EFR3A: variants seen among roughly 807,000 people sequenced by gnomAD.
The protein encoded by EFR3A is protein EFR3 homolog A.
In EFR3A, 76 loss-of-function variants were observed where a neutral mutation model predicts 104.4. That is an observed-to-expected ratio of 0.73 (90% CI 0.60 to 0.88). EFR3A has a LOEUF of 0.88. Ranked by LOEUF, EFR3A falls within the 40% of genes least tolerant of loss-of-function variation. The probability of loss-of-function intolerance (pLI) is 0.00; values close to 1 mark genes in which losing one functional copy is unlikely to be tolerated. For missense variants in EFR3A, 985 were observed against 1,012.5 expected (o/e 0.97, Z 0.37); for synonymous variants, 330 against 330.0 (o/e 1.00, Z 0.00).
intron 7 of EFR3A, among the ~76,000 whole-genome samples, chr8:131,957,871 G>A (rs1389142467): frequency 6.6e-6 from 1 of 152,162 alleles, no homozygotes; most frequent in Non-Finnish European, 1.5e-5. Flanking sequence ...TGGCTGGAGT[G>A]TTGAATATAG....
chr8:131,904,713 G>A (rs965950006), intron 1 of EFR3A, among the ~76,000 whole-genome samples: 2 of 152,324 alleles, frequency 1.3e-5, no homozygotes, highest in East Asian at 3.9e-4. Flanking sequence ...GCCGGACGTC[G>A]CTAGTGGACG....
rs543238725 is a variant in EFR3A at position 131,961,211 on chromosome 8, G to A, written c.855+1548G>A. Among the ~76,000 whole-genome samples the A allele has an allele frequency of 1.8e-3, 280 of 152,294 alleles. 2 individuals carry two copies. The highest frequency in any genetic ancestry group is 6.5e-3 in the African/African-American group (272 of 41,556). ...CAGCAATGGAACAAAGCTGGATGGA[G>A]AATGACTTTGACAAGTTGAGAGAAG... On this transcript the variant is annotated intron_variant, in intron 8 of 22. Coordinates refer to ENST00000254624, the MANE Select transcript of EFR3A (RefSeq NM_015137.6).
At chr8:131,925,020 T>G (rs1181484940) in intron 1 of EFR3A, among the ~76,000 whole-genome samples, 1 of 152,082 alleles carries the variant, frequency 6.6e-6, no homozygotes, top group Non-Finnish European at 1.5e-5. Context: ...TGCATTTGAG[T>G]TGGAATGTCA....
chr8:131,954,518 C>G (rs746852743), intron 6 of EFR3A, among the ~76,000 whole-genome samples: 4 of 151,774 alleles, frequency 2.6e-5, no homozygotes, highest in Admixed American at 6.6e-5. Context: ...CTACAACATT[C>G]ACTTGCAGTT....
At chr8:131,951,684 A>C (rs1818710989) in intron 5 of EFR3A, among the ~76,000 whole-genome samples, 1 of 152,140 alleles carries the variant, frequency 6.6e-6, no homozygotes, top group Non-Finnish European at 1.5e-5. Flanking sequence ...TTCCAAAAAG[A>C]AACTTTGACA....
intron 7 of EFR3A, 89 bp from the exon 8 acceptor site, chr8:131,959,496 C>T (rs1819195643): frequency 2.1e-6 from 2 of 968,814 alleles, no homozygotes; most frequent in African/African-American, 3.3e-5. Flanking sequence ...GTAATATTCT[C>T]ACTATTAAGC....
intron 15 of EFR3A, among the ~76,000 whole-genome samples, chr8:131,984,669 A>G (rs1275774313): frequency 6.6e-6 from 1 of 152,166 alleles, no homozygotes; most frequent in Non-Finnish European, 1.5e-5. Context: ...CAATGGCCAT[A>G]TATGCATGTC....
chr8:131,936,191 G>A (rs1202595607), intron 1 of EFR3A, among the ~76,000 whole-genome samples: 1 of 152,082 alleles, frequency 6.6e-6, no homozygotes, highest in African/African-American at 2.4e-5. Flanking sequence ...ACTGTTTAGG[G>A]ACTAAGAGGC....
intron 1 of EFR3A, among the ~76,000 whole-genome samples, chr8:131,929,577 A>G (rs1042498797): frequency 3.3e-5 from 5 of 152,044 alleles, no homozygotes; most frequent in African/African-American, 1.2e-4. Context: ...TCTGTATGTG[A>G]TTATCTTTTC....
intron 10 of EFR3A, among the ~76,000 whole-genome samples, chr8:131,972,935 A>G (rs961674934): frequency 1.3e-5 from 2 of 151,432 alleles, no homozygotes; most frequent in African/African-American, 4.9e-5. Context: ...GACACCACCT[A>G]TTTATTTATT....
chr8:132,010,806 T>C lies in EFR3A; in HGVS notation c.2377T>C (p.Ser793Pro), dbSNP rs199679044. The C allele has an allele frequency of 6.2e-7, 1 of 1,612,326 alleles. No individual in the cohort carries two copies. Among genetic ancestry groups the C allele is most frequent in the East Asian group, 2.2e-5 (1 of 44,834 alleles). ...ELTIRPPPSP[S>P]GTLTITSGHA... ...CTTTTATAGTCCTCCTCCCAGTCCA[T>C]CAGGAACACTGACCATTACTTCTGG... is the stretch of plus-strand genomic sequence containing the variant. The change falls in exon 23 of 23, where the codon TCA (serine) becomes CCA (proline). Residue 793 changes from serine to proline, a missense_variant. Physicochemically the swap from Ser to Pro is moderately conservative, Grantham distance 74. Transcript: ENST00000254624.
intron 1 of EFR3A, chr8:131,924,217 C>A (rs1258610918): frequency 3.2e-6 from 1 of 315,504 alleles, no homozygotes; most frequent in Admixed American, 3.5e-5. Flanking sequence ...CCCCATTCAG[C>A]ATTTTTATAT....
chr8:132,002,537 G>A (rs1218278605), intron 20 of EFR3A, 66 bp from the exon 21 acceptor site: 6 of 1,310,532 alleles, frequency 4.6e-6, no homozygotes, highest in South Asian at 4.0e-5. Context: ...AACTCTTAAC[G>A]GTCATTGACT....
chr8:131,936,040 T>C (rs1817863978), intron 1 of EFR3A, among the ~76,000 whole-genome samples: 1 of 152,058 alleles, frequency 6.6e-6, no homozygotes, highest in South Asian at 2.1e-4. Context: ...TACTATCAGT[T>C]TCACCTTGAG....
Position 132,011,085 on chromosome 8 carries a change from A to T in EFR3A, c.*190A>T, listed in dbSNP as rs542833823. 1.6e-6 allele frequency: 2 copies of T among 1,246,688 alleles called. No individual in the cohort carries two copies. Among genetic ancestry groups the T allele is most frequent in the African/African-American group, 3.0e-5 (2 of 66,626 alleles). The allele number at this position is 1,246,688 out of a possible 1,614,324, so 77.2% of individuals were successfully genotyped here. ...TATATAATTTCGAGTACTTTCAAAGATAGATTTATGCCATGTTAATTTGCT... is the reference window on the plus strand; with the variant it reads ...TATATAATTTCGAGTACTTTCAAAGTTAGATTTATGCCATGTTAATTTGCT... On this transcript the variant is annotated 3_prime_UTR_variant, in exon 23 of 23. Transcript: ENST00000254624.
At chr8:131,965,365 T>G (rs1352812595) in intron 8 of EFR3A, among the ~76,000 whole-genome samples, 1 of 151,982 alleles carries the variant, frequency 6.6e-6, no homozygotes, top group African/African-American at 2.4e-5. Context: ...CAAAACAAGT[T>G]TGCAAGAAAA....
At chr8:131,964,192 A>G (rs1427053706) in intron 8 of EFR3A, among the ~76,000 whole-genome samples, 1 of 151,244 alleles carries the variant, frequency 6.6e-6, no homozygotes, top group African/African-American at 2.4e-5. Context: ...CACCACTCGT[A>G]TTCAACATAG....
chr8:132,000,616 C>G (rs1586676319), intron 19 of EFR3A: 1 of 152,152 alleles, frequency 6.6e-6, no homozygotes, highest in East Asian at 1.9e-4. Context: ...GTTCTTTTTC[C>G]TCTACTGTAG....
intron 4 of EFR3A, among the ~76,000 whole-genome samples, chr8:131,947,440 T>C (rs1758277275): frequency 6.6e-6 from 1 of 152,060 alleles, no homozygotes; most frequent in Non-Finnish European, 1.5e-5. Flanking sequence ...TTTGCAGATA[T>C]CTTCTCCATT....
Sources: allele counts gnomAD v4.1 joint callset (sites outside exome capture counted in the v4.1 genomes callset), GRCh38; gene constraint gnomAD v4.1.1; transcripts MANE v1.5; gene names NCBI Gene and HGNC (gene_info 2026-07-23, HGNC 2026-07-21).